Variants in DLC1 observed in about 807,000 individuals in gnomAD.
The protein encoded by DLC1 is rho GTPase-activating protein 7.
Under a neutral mutation model 140.3 loss-of-function variants are expected in DLC1, and 54 were observed. That is an observed-to-expected ratio of 0.38 (90% CI 0.31 to 0.48). The LOEUF is 0.48. Ranked by LOEUF, DLC1 falls within the 20% of genes least tolerant of loss-of-function variation. The pLI is 0.96. For synonymous variants in DLC1, 986 were observed against 728.1 expected (o/e 1.35, Z -5.70); for missense variants, 2,536 against 1,907.0 (o/e 1.33, Z -6.14).
At chr8:13,133,252 G>C in intron 5 of DLC1, 1 of 1,361,482 alleles carries the variant, frequency 7.3e-7, no homozygotes, top group Non-Finnish European at 9.4e-7. Flanking sequence ...GTCCTGGCTG[G>C]GAGCGAAGCG....
intron 1 of DLC1, among the ~76,000 whole-genome samples, chr8:13,555,553 A>G (rs945120336): frequency 2.0e-5 from 3 of 151,828 alleles, no homozygotes; most frequent in Admixed American, 6.6e-5. Flanking sequence ...GGGCAGTGGT[A>G]TGATCTCGGC....
At chr8:13,425,176 C>G (rs1407093315) in intron 2 of DLC1, among the ~76,000 whole-genome samples, 2 of 151,738 alleles carry the variant, frequency 1.3e-5, no homozygotes, top group Admixed American at 6.6e-5. Flanking sequence ...TCCATAGATG[C>G]ACGAGTCAAG....
intron 2 of DLC1, among the ~76,000 whole-genome samples, chr8:13,473,404 CT>C (rs1035513440): frequency 1.3e-5 from 2 of 152,144 alleles, no homozygotes; most frequent in Non-Finnish European, 2.9e-5. Context: ...CACAGGCTCT[CT>C]TGTTTTGCCT....
At position 13,088,631 on chromosome 8, in the gene DLC1, T is replaced by C; in HGVS notation, c.4148A>G (p.Lys1383Arg). 6.2e-7 allele frequency: 1 copy of C among 1,614,172 alleles called. No individual in the cohort carries two copies. Among genetic ancestry groups the C allele is most frequent in the African/African-American group, 1.3e-5 (1 of 75,046 alleles). The change falls in exon 16 of 18, where the codon AAG (lysine) becomes AGG (arginine). Residue 1383 changes from lysine (K) to arginine (R), a missense_variant. By Grantham distance (26) the Lys-to-Arg change is conservative. Coordinates refer to ENST00000276297, the MANE Select transcript of DLC1 (RefSeq NM_182643.3). ...EVPAVPEEIL[K>R]RLLKEQHLWD... The stretch of plus-strand genomic sequence containing the variant: ...GAGGTGCTGTTCTTTAAGTAGGCGC[T>C]TTAAGATTTCCTCTGGCACAGCAGG...
At chr8:13,272,385 G>C (rs1424287995) in intron 5 of DLC1, among the ~76,000 whole-genome samples, 3 of 152,100 alleles carry the variant, frequency 2.0e-5, no homozygotes, top group Non-Finnish European at 4.4e-5. Context: ...AGGTTGCAGT[G>C]AGCGGAGATC....
At chr8:13,380,246 T>C (rs930334566) in intron 4 of DLC1, among the ~76,000 whole-genome samples, 7 of 152,232 alleles carry the variant, frequency 4.6e-5, no homozygotes, top group African/African-American at 1.4e-4. Flanking sequence ...TAAACACTTA[T>C]ATGTTATTCT....
chr8:13,136,211 A>C (rs749644427), intron 5 of DLC1, among the ~76,000 whole-genome samples: 101 of 152,176 alleles, frequency 6.6e-4, no homozygotes, highest in Non-Finnish European at 6.3e-4. Context: ...CTTTTATTTT[A>C]GATTCAGGGG....
chr8:13,110,123 A>C (rs751206447), intron 7 of DLC1, among the ~76,000 whole-genome samples: 1 of 152,184 alleles, frequency 6.6e-6, no homozygotes, highest in Non-Finnish European at 1.5e-5. Context: ...GTGTCCCATC[A>C]TCGACTGCTA....
At chr8:13,164,356 C>G (rs200273388) in intron 5 of DLC1, among the ~76,000 whole-genome samples, 3 of 145,248 alleles carry the variant, frequency 2.1e-5, no homozygotes, top group African/African-American at 5.3e-5. Flanking sequence ...CTGTCTCTCT[C>G]TCTGTCTGTC....
At position 13,514,679 on chromosome 8, in the gene DLC1, G is replaced by A. The variant is rs1802526771; in HGVS notation, c.-203C>T. On this transcript the variant is annotated 5_prime_UTR_variant, in exon 1 of 18. Transcript: ENST00000276297. ...CTAGGAAAGAAGTCCGTCCCCGTTAGTTTCTCCAAAATCTAAGTTCCCATT... is the reference window on the plus strand; with the variant it reads ...CTAGGAAAGAAGTCCGTCCCCGTTAATTTCTCCAAAATCTAAGTTCCCATT... The A allele has an allele frequency of 2.5e-6, 1 of 398,482 alleles. No homozygotes were observed. Among genetic ancestry groups the A allele is most frequent in the Non-Finnish European group, 4.4e-6 (1 of 226,080 alleles). 24.7% of individuals were successfully genotyped at this position (398,482 alleles called of 1,614,324 possible). A position where few individuals can be genotyped will look rare whatever the true frequency, so the allele number is the denominator to read the frequency against.
intron 4 of DLC1, among the ~76,000 whole-genome samples, chr8:13,328,259 A>G (rs10097848): frequency 0.03 from 4,551 of 152,280 alleles, 231 homozygotes; most frequent in African/African-American, 0.11. Flanking sequence ...TAGAGATGGC[A>G]TTGACAGGTA....
intron 5 of DLC1, among the ~76,000 whole-genome samples, chr8:13,141,463 C>T (rs1822988285): frequency 6.6e-6 from 1 of 152,078 alleles, no homozygotes; most frequent in Non-Finnish European, 1.5e-5. Flanking sequence ...GCTAAGATGG[C>T]TATTTTCAGC....
chr8:13,526,625 A>T (rs1205359910), intron 1 of DLC1, among the ~76,000 whole-genome samples: 1 of 152,154 alleles, frequency 6.6e-6, no homozygotes, highest in Non-Finnish European at 1.5e-5. Context: ...CTTTATAGGG[A>T]CATGGATGAA....
chr8:13,129,425 C>T (rs1247618104), intron 5 of DLC1, among the ~76,000 whole-genome samples: 2 of 152,204 alleles, frequency 1.3e-5, no homozygotes, highest in Non-Finnish European at 2.9e-5. Context: ...TTCACCCAGA[C>T]TGCAACATGA....
intron 2 of DLC1, among the ~76,000 whole-genome samples, chr8:13,475,488 T>C (rs892972010): frequency 6.6e-6 from 1 of 152,188 alleles, no homozygotes; most frequent in African/African-American, 2.4e-5. Flanking sequence ...CCAGAAGCCA[T>C]GGAGATTTTT....
intron 1 of DLC1, chr8:13,559,245 A>G (rs1411800831): frequency 6.6e-6 from 1 of 152,272 alleles, no homozygotes; most frequent in Non-Finnish European, 1.5e-5. Context: ...GCATGGGCGC[A>G]AAGAATGAGC....
Position 13,393,656 on chromosome 8 carries a change from A to T in DLC1, c.1211T>A (p.Ile404Asn). 6.2e-7 allele frequency: 1 copy of T among 1,614,146 alleles called. No homozygotes were observed. The highest frequency in any genetic ancestry group is 8.5e-7 in the Non-Finnish European group (1 of 1,180,024). Residue 404 changes from isoleucine to asparagine, a missense_variant, in exon 4 of 18, where the codon ATT becomes AAT. Transcript: ENST00000276297. ...ESGSESGADT[I>N]SVNQTRVNLS... ...ATTTACTCGTGTCTGATTTACTGAAATGGTATCTGCTCCACTTTCAGATCC... is the reference window on the plus strand; with the variant it reads ...ATTTACTCGTGTCTGATTTACTGAATTGGTATCTGCTCCACTTTCAGATCC...
chr8:13,287,896 G>T (rs1179687470), intron 5 of DLC1, among the ~76,000 whole-genome samples: 2 of 151,148 alleles, frequency 1.3e-5, no homozygotes, highest in Non-Finnish European at 3.0e-5. Context: ...TTTTTTTTAG[G>T]AAATAGAATT....
chr8:13,567,568 C>T (rs1261455564), intron 1 of DLC1: 2 of 1,551,648 alleles, frequency 1.3e-6, no homozygotes, highest in East Asian at 2.4e-5. Flanking sequence ...AGCAGCTAAG[C>T]AACACATATC....
Sources: allele counts gnomAD v4.1 joint callset (sites outside exome capture counted in the v4.1 genomes callset), GRCh38; gene constraint gnomAD v4.1.1; transcripts MANE v1.5; gene names NCBI Gene and HGNC (gene_info 2026-07-23, HGNC 2026-07-21).